HS6ST3: variants seen among roughly 807,000 people sequenced by gnomAD.
HS6ST3 encodes the protein heparan sulfate 6-O-sulfotransferase 3, also known as heparan-sulfate 6-O-sulfotransferase 3.
In HS6ST3, 12 loss-of-function variants were observed where a neutral mutation model predicts 36.7. That is an observed-to-expected ratio of 0.33 (90% confidence interval 0.21 to 0.53). HS6ST3 has a LOEUF of 0.53. Among genes scored for constraint, HS6ST3 ranks in the 20% least tolerant of loss-of-function variants. The probability of loss-of-function intolerance (pLI) is 0.95; values close to 1 mark genes in which losing one functional copy is unlikely to be tolerated. For synonymous variants in HS6ST3, 240 were observed against 257.5 expected, an observed-to-expected ratio of 0.93 and a Z score of 0.65; for missense variants, 584 against 640.9, an observed-to-expected ratio of 0.91 and a Z score of 0.96.
At chr13:96,388,367 T>A (rs1262411132) in intron 1 of HS6ST3, among the ~76,000 whole-genome samples, 2 of 152,234 alleles carry the variant, frequency 1.3e-5, no homozygotes, top group African/African-American at 2.4e-5. Flanking sequence ...CATTTATGCC[T>A]GATAAATATA....
chr13:96,690,931 A>T (rs898976424), intron 1 of HS6ST3, among the ~76,000 whole-genome samples: 3 of 152,128 alleles, frequency 2.0e-5, no homozygotes, highest in Non-Finnish European at 4.4e-5. Context: ...TTATAGAGAA[A>T]CATAAAATGT....
At chr13:96,541,442 A>G (rs1351538174) in intron 1 of HS6ST3, among the ~76,000 whole-genome samples, 1 of 152,160 alleles carries the variant, frequency 6.6e-6, no homozygotes, top group Non-Finnish European at 1.5e-5. Context: ...ATTAGAACCC[A>G]GGTCTTCTGG....
At chr13:96,192,537 C>T (rs2054293195) in intron 1 of HS6ST3, among the ~76,000 whole-genome samples, 1 of 151,684 alleles carries the variant, frequency 6.6e-6, no homozygotes, top group African/African-American at 2.4e-5. Context: ...TAAGTGAGAA[C>T]TTGTGTTATT....
intron 1 of HS6ST3, among the ~76,000 whole-genome samples, chr13:96,293,280 C>T (rs1348927491): frequency 6.6e-6 from 1 of 152,010 alleles, no homozygotes; most frequent in Non-Finnish European, 1.5e-5. Context: ...CTTGAGTTTG[C>T]CTGTAATATT....
intron 1 of HS6ST3, among the ~76,000 whole-genome samples, chr13:96,726,061 C>G (rs1324918338): frequency 6.6e-6 from 1 of 152,162 alleles, no homozygotes; most frequent in Non-Finnish European, 1.5e-5. Context: ...TAGTCTCTAA[C>G]TCCTGACCTT....
At chr13:96,160,526 T>C (rs951944023) in intron 1 of HS6ST3, among the ~76,000 whole-genome samples, 1 of 152,208 alleles carries the variant, frequency 6.6e-6, no homozygotes, top group Non-Finnish European at 1.5e-5. Flanking sequence ...CTATATACTA[T>C]GTAGGAGTGT....
intron 1 of HS6ST3, among the ~76,000 whole-genome samples, chr13:96,434,337 C>T (rs2055630993): frequency 1.3e-5 from 2 of 152,116 alleles, no homozygotes; most frequent in South Asian, 4.1e-4. Flanking sequence ...ATAACACACT[C>T]TCCAGGATAT....
At chr13:96,221,560 AG>A (rs2054455534) in intron 1 of HS6ST3, among the ~76,000 whole-genome samples, 1 of 152,166 alleles carries the variant, frequency 6.6e-6, no homozygotes, top group Admixed American at 6.5e-5. Flanking sequence ...AGTTAGATGC[AG>A]GTGAGTGCTC....
Position 96,451,687 on chromosome 13 carries a change from C to A in HS6ST3, c.707+360118C>A, listed in dbSNP as rs112923744. On this transcript the variant is annotated intron_variant, in intron 1 of 1. Transcript: ENST00000376705. ...TCTTCAAACACTGTAATCAAATTGTCCACCTTTGGGATATAGCACTGGCAG... is the reference window on the plus strand; with the variant it reads ...TCTTCAAACACTGTAATCAAATTGTACACCTTTGGGATATAGCACTGGCAG... Among the ~76,000 whole-genome samples the A allele has an allele frequency of 9.4e-3, 1,434 of 152,206 alleles. 9 individuals are homozygous for A. Among genetic ancestry groups the A allele is most frequent in the Non-Finnish European group, 0.015 (1,033 of 68,018 alleles).
At chr13:96,468,743 T>A (rs2138888751) in intron 1 of HS6ST3, among the ~76,000 whole-genome samples, 1 of 152,306 alleles carries the variant, frequency 6.6e-6, no homozygotes, top group Admixed American at 6.5e-5. Context: ...GAAGCTATAA[T>A]TTAGAATTTT....
intron 1 of HS6ST3, among the ~76,000 whole-genome samples, chr13:96,660,043 T>A (rs1294688802): frequency 6.6e-6 from 1 of 152,100 alleles, no homozygotes; most frequent in Non-Finnish European, 1.5e-5. Context: ...AACTCAATGA[T>A]TAAATTTGTT....
intron 1 of HS6ST3, among the ~76,000 whole-genome samples, chr13:96,205,677 C>G (rs990894714): frequency 6.6e-6 from 1 of 152,092 alleles, no homozygotes; most frequent in Non-Finnish European, 1.5e-5. Flanking sequence ...TCAACATATG[C>G]AAATCAATAA....
chr13:96,372,472 A>C, intron 1 of HS6ST3, among the ~76,000 whole-genome samples: 1 of 152,028 alleles, frequency 6.6e-6, no homozygotes, highest in Non-Finnish European at 1.5e-5. Flanking sequence ...CTGTATAGGA[A>C]ATTTTTAGTT....
chr13:96,823,878 A>G (rs947538826), intron 1 of HS6ST3, among the ~76,000 whole-genome samples: 1 of 152,088 alleles, frequency 6.6e-6, no homozygotes, highest in Non-Finnish European at 1.5e-5. Context: ...CAGTCTCCCA[A>G]AGTGCTGGGA....
At chr13:96,092,255 C>CA (rs1045774185) in intron 1 of HS6ST3, among the ~76,000 whole-genome samples, 1 of 152,114 alleles carries the variant, frequency 6.6e-6, no homozygotes, top group East Asian at 1.9e-4. Flanking sequence ...CAACTTATTC[C>CA]AAAAGTATGT....
intron 1 of HS6ST3, among the ~76,000 whole-genome samples, chr13:96,797,541 A>G (rs1440801811): frequency 1.3e-5 from 2 of 152,132 alleles, no homozygotes; most frequent in Non-Finnish European, 2.9e-5. Flanking sequence ...TGGAGCTCTG[A>G]AAACAACAAC....
rs1015436389 is a variant in HS6ST3 at position 96,142,047 on chromosome 13, A to T, written c.707+50478A>T. ...TGTGGTCATGGCAAAAAAAAAAAAA[A>T]AAAAAAAAGCTGGCCAAGGGAGGTG... On this transcript the variant is annotated intron_variant, in intron 1 of 1. Transcript: ENST00000376705. 3.3e-5 allele frequency among the ~76,000 whole-genome samples: 5 copies of T among 151,874 alleles called. No homozygotes were observed. In the South Asian group the frequency reaches 1.0e-3, roughly 31 times the overall value.
chr13:96,710,276 A>G (rs185664202), intron 1 of HS6ST3, among the ~76,000 whole-genome samples: 1 of 152,368 alleles, frequency 6.6e-6, no homozygotes, highest in East Asian at 1.9e-4. Context: ...TTAGAAATGA[A>G]AGATAAAGCA....
At chr13:96,470,849 C>T (rs940543258) in intron 1 of HS6ST3, among the ~76,000 whole-genome samples, 2 of 152,138 alleles carry the variant, frequency 1.3e-5, no homozygotes, top group African/African-American at 2.4e-5. Flanking sequence ...GTTTATCTGG[C>T]CACCTCCAAT....
Sources: gnomAD v4.1 joint callset for allele counts (sites outside exome capture counted in the v4.1 genomes callset) on GRCh38, gnomAD v4.1.1 for gene constraint, MANE v1.5 for transcripts, NCBI Gene and HGNC (gene_info 2026-07-23, HGNC 2026-07-21) for gene names.